The following ARHGAP22 variants were observed in gnomAD, a reference collection of about 807,000 sequenced individuals.
The protein encoded by ARHGAP22 is Rho GTPase activating protein 22.
Under a neutral mutation model 59.1 loss-of-function variants are expected in ARHGAP22, and 48 were observed. That is an observed-to-expected ratio of 0.81 (90% CI 0.64 to 1.03). The LOEUF (loss-of-function observed/expected upper bound fraction) is 1.03. Among genes scored for constraint, ARHGAP22 ranks in the 50% least tolerant of loss-of-function variants. The pLI is 0.00. For missense variants in ARHGAP22, 1,015 were observed against 958.7 expected (o/e 1.06, Z -0.78); for synonymous variants, 445 against 416.4 (o/e 1.07, Z -0.84).
chr10:48,454,032 G>T (rs958232208), intron 7 of ARHGAP22, 56 bp downstream of exon 7: 1 of 1,539,860 alleles, frequency 6.5e-7, no homozygotes, highest in Non-Finnish European at 9.0e-7. Context: ...CTGTGGGGTT[G>T]GGGGAGCGTG....
At chr10:48,595,806 C>A (rs1008051287) in intron 1 of ARHGAP22, among the ~76,000 whole-genome samples, 1 of 152,168 alleles carries the variant, frequency 6.6e-6, no homozygotes, top group Non-Finnish European at 1.5e-5. Flanking sequence ...CTACTACACC[C>A]AGCTTAATTT....
intron 4 of ARHGAP22, among the ~76,000 whole-genome samples, chr10:48,467,421 G>A (rs1451206091): frequency 6.6e-6 from 1 of 152,046 alleles, no homozygotes; most frequent in African/African-American, 2.4e-5. Context: ...GCCAGTAGCA[G>A]GGATGGGAGT....
At chr10:48,617,732 CA>C (rs532158183) in intron 1 of ARHGAP22, among the ~76,000 whole-genome samples, 95 of 151,948 alleles carry the variant, frequency 6.3e-4, no homozygotes, top group African/African-American at 2.1e-3. Context: ...AATGCTACAT[CA>C]AAAAAGTAGA....
chr10:48,522,878 T>G (rs2053936193), intron 3 of ARHGAP22, among the ~76,000 whole-genome samples: 1 of 152,224 alleles, frequency 6.6e-6, no homozygotes, highest in Admixed American at 6.5e-5. Flanking sequence ...AGATCATACC[T>G]CATAGCCAGA....
At chr10:48,481,962 T>C (rs913024341) in intron 3 of ARHGAP22, among the ~76,000 whole-genome samples, 3 of 152,204 alleles carry the variant, frequency 2.0e-5, no homozygotes, top group African/African-American at 7.2e-5. Flanking sequence ...GATTATTTAT[T>C]TTCCATTATT....
intron 1 of ARHGAP22, among the ~76,000 whole-genome samples, chr10:48,645,852 G>C (rs1286910677): frequency 6.6e-6 from 1 of 152,182 alleles, no homozygotes; most frequent in East Asian, 1.9e-4. Context: ...GAGAGGGAAG[G>C]AGGGGAAGAG....
chr10:48,548,785 C>T (rs555421944), intron 3 of ARHGAP22, among the ~76,000 whole-genome samples: 1 of 152,338 alleles, frequency 6.6e-6, no homozygotes, highest in South Asian at 2.1e-4. Flanking sequence ...AGGCAGCTGC[C>T]CTGGCAAGAC....
At chr10:48,518,449 A>G (rs2053502609) in intron 3 of ARHGAP22, among the ~76,000 whole-genome samples, 1 of 152,242 alleles carries the variant, frequency 6.6e-6, no homozygotes. Context: ...AAAATACATA[A>G]TGGCAAGTGA....
At chr10:48,520,379 C>A (rs2053692382) in intron 3 of ARHGAP22, among the ~76,000 whole-genome samples, 1 of 152,202 alleles carries the variant, frequency 6.6e-6, no homozygotes. Flanking sequence ...AGGCAGCCCT[C>A]AGCAGCCCAG....
At chr10:48,471,230 C>T (rs1316284580) in intron 4 of ARHGAP22, among the ~76,000 whole-genome samples, 1 of 152,164 alleles carries the variant, frequency 6.6e-6, no homozygotes, top group African/African-American at 2.4e-5. Context: ...CAGTGCAGTT[C>T]CGATGATGAC....
At chr10:48,594,448 G>C (rs1206653674) in intron 1 of ARHGAP22, among the ~76,000 whole-genome samples, 1 of 151,976 alleles carries the variant, frequency 6.6e-6, no homozygotes, top group Non-Finnish European at 1.5e-5. Flanking sequence ...GCACTGACAA[G>C]AGCACCTGGC....
At position 48,450,685 on chromosome 10, in the gene ARHGAP22, C is replaced by A; in HGVS notation, c.1444G>T (p.Asp482Tyr). ...GAGAGTCTCTGCACGGAGCCCGAGT[C>A]CTTGAGCCGGTCTCCCGACGAGGCC... ...RRASSGDRLKDSGSVQRLSTY... is the reference protein window; with the variant it reads ...RRASSGDRLKYSGSVQRLSTY... The change falls in exon 9 of 10, where the codon GAC becomes TAC. Residue 482 changes from aspartate (D) to tyrosine (Y), a missense_variant. Physicochemically the swap from Asp to Tyr is radical, Grantham distance 160. Transcript: ENST00000249601. 1.3e-6 allele frequency: 2 copies of A among 1,551,484 alleles called. No homozygotes were observed. The highest frequency in any genetic ancestry group is 1.7e-6 in the Non-Finnish European group (2 of 1,147,670).
intron 3 of ARHGAP22, among the ~76,000 whole-genome samples, chr10:48,544,133 G>A (rs1192589404): frequency 6.6e-6 from 1 of 151,720 alleles, no homozygotes; most frequent in Non-Finnish European, 1.5e-5. Context: ...AAAAAAAAAA[G>A]AGAAAGGACT....
At chr10:48,633,664 C>G (rs1164530096) in intron 1 of ARHGAP22, among the ~76,000 whole-genome samples, 1 of 152,222 alleles carries the variant, frequency 6.6e-6, no homozygotes, top group Non-Finnish European at 1.5e-5. Flanking sequence ...CCAGGCCTGG[C>G]TTTCTCTAGA....
At chr10:48,531,160 G>A (rs898981785) in intron 3 of ARHGAP22, among the ~76,000 whole-genome samples, 2 of 152,210 alleles carry the variant, frequency 1.3e-5, no homozygotes, top group Admixed American at 1.3e-4. Context: ...TCTAAGTGAA[G>A]TAACTCAGGA....
Position 48,459,712 on chromosome 10 carries a change from C to T in ARHGAP22, c.631G>A (p.Asp211Asn), listed in dbSNP as rs775460373. 20 of 1,614,030 alleles carry T rather than the reference C, an allele frequency of 1.2e-5. No individual in the cohort carries two copies. Among genetic ancestry groups the T allele is most frequent in the Admixed American group, 1.7e-5 (1 of 60,010 alleles). Residue 211 changes from aspartate to asparagine, a missense_variant, in exon 5 of 10, where the codon GAC (aspartate) becomes AAC (asparagine). Coordinates refer to ENST00000249601, the MANE Select transcript of ARHGAP22 (RefSeq NM_021226.4). ...NLVRDLQDSF[D>N]CGEKPLFDST... ...TCAAACAGTGGCTTCTCCCCACAGT[C>T]GAAGGAATCCTGCAGGTCCCTCACC...
intron 1 of ARHGAP22, among the ~76,000 whole-genome samples, chr10:48,631,008 T>C (rs1360444806): frequency 6.6e-6 from 1 of 152,228 alleles, no homozygotes. Context: ...TTTTGTCAAA[T>C]GTTTTTTCTG....
upstream of ARHGAP22, among the ~76,000 whole-genome samples, chr10:48,654,991 C>CCTCT (rs1217394146): frequency 7.4e-6 from 1 of 134,640 alleles, no homozygotes; most frequent in African/African-American, 2.8e-5. Flanking sequence ...TTCCTCCCTT[C>CCTCT]CTCTCTCTCT....
At chr10:48,510,795 T>G (rs957344447) in intron 3 of ARHGAP22, 1 of 152,250 alleles carries the variant, frequency 6.6e-6, no homozygotes, top group Non-Finnish European at 1.5e-5. Context: ...GGTGGAGTCC[T>G]AGCTGGCCCG....
Sources: allele counts gnomAD v4.1 joint callset (sites outside exome capture counted in the v4.1 genomes callset), GRCh38; gene constraint gnomAD v4.1.1; transcripts MANE v1.5; gene names NCBI Gene and HGNC (gene_info 2026-07-23, HGNC 2026-07-21).